ASIC2: variants seen among roughly 807,000 people sequenced by gnomAD.
ASIC2 encodes the protein acid sensing ion channel subunit 2.
Under a neutral mutation model 57.3 loss-of-function variants are expected in ASIC2, and 25 were observed. The observed-to-expected ratio is 0.44, with a 90% CI of 0.32 to 0.61. The LOEUF is 0.61. ASIC2 is among the 20% of genes least tolerant of loss of function. The pLI is 0.06. For synonymous variants in ASIC2, 319 were observed against 307.5 expected (o/e 1.04, Z -0.39); for missense variants, 641 against 738.1 (o/e 0.87, Z 1.52).
rs183058775 is a variant in ASIC2, at chr17:33,167,066, G to T, written c.709-54999C>A. On this transcript the variant is annotated intron_variant, in intron 1 of 9. Coordinates refer to ENST00000225823, the MANE Select transcript of ASIC2 (RefSeq NM_183377.2). ...GTGTACATAAAGTGCCCCCTACAGA[G>T]CTTGGCACACAGTAGGTACACACTG... Among the ~76,000 whole-genome samples, 353 of 152,282 alleles carry T rather than the reference G, an allele frequency of 2.3e-3. 5 individuals are homozygous for T. The highest frequency in any genetic ancestry group is 0.01 in the Middle Eastern group (3 of 294).
At chr17:33,477,366 G>A (rs2141924224) in intron 1 of ASIC2, among the ~76,000 whole-genome samples, 1 of 152,272 alleles carries the variant, frequency 6.6e-6, no homozygotes, top group African/African-American at 2.4e-5. Context: ...ACATGGTGTG[G>A]TAGAAATAGC....
At chr17:33,082,447 C>T (rs574494005) in intron 3 of ASIC2, among the ~76,000 whole-genome samples, 2 of 152,298 alleles carry the variant, frequency 1.3e-5, no homozygotes, top group South Asian at 2.1e-4. Context: ...ACCTATAATC[C>T]TAGCACTTTG....
rs147237031 is a variant in ASIC2 at position 33,131,293 on chromosome 17, A to C, written c.709-19226T>G. 1.8e-3 allele frequency among the ~76,000 whole-genome samples: 279 copies of C among 152,234 alleles called. 2 individuals are homozygous for C. The highest frequency in any genetic ancestry group is 6.3e-3 in the African/African-American group (260 of 41,530). ...TCTACATAGACCCTTCTATTGATAAAATTTTAGGTTTCTAGAGGAATCCCA... is the reference window on the plus strand; with the variant it reads ...TCTACATAGACCCTTCTATTGATAACATTTTAGGTTTCTAGAGGAATCCCA... On this transcript the variant is annotated intron_variant, in intron 1 of 9. Coordinates refer to ENST00000225823, the MANE Select transcript of ASIC2 (RefSeq NM_183377.2).
intron 1 of ASIC2, among the ~76,000 whole-genome samples, chr17:33,712,270 G>GC (rs1261379075): frequency 2.0e-5 from 3 of 152,178 alleles, no homozygotes; most frequent in Non-Finnish European, 2.9e-5. Context: ...CTTGATGTTT[G>GC]CAAGACGCTG....
chr17:33,162,632 T>A (rs1420073625), intron 1 of ASIC2, among the ~76,000 whole-genome samples: 1 of 152,204 alleles, frequency 6.6e-6, no homozygotes, highest in African/African-American at 2.4e-5. Flanking sequence ...CAGGGCCAGC[T>A]CAGACCTGAT....
At chr17:33,854,067 G>C (rs969890596) in intron 1 of ASIC2, among the ~76,000 whole-genome samples, 8 of 152,170 alleles carry the variant, frequency 5.3e-5, no homozygotes, top group Admixed American at 6.5e-5. Flanking sequence ...CTCAACAAAA[G>C]TCTATTCTGG....
intron 1 of ASIC2, among the ~76,000 whole-genome samples, chr17:33,462,887 G>A (rs1912687899): frequency 1.3e-5 from 2 of 152,190 alleles, no homozygotes; most frequent in Admixed American, 1.3e-4. Flanking sequence ...TGGAGACAGA[G>A]TCATTTATAG....
intron 1 of ASIC2, among the ~76,000 whole-genome samples, chr17:33,252,943 A>C (rs953670054): frequency 6.6e-6 from 1 of 152,162 alleles, no homozygotes; most frequent in South Asian, 2.1e-4. Context: ...TTGTGGGTAG[A>C]ACCCAGATCC....
chr17:33,917,080 CTTGGGCTGT>C (rs1261530334), intron 1 of ASIC2, among the ~76,000 whole-genome samples: 2 of 152,180 alleles, frequency 1.3e-5, no homozygotes, highest in African/African-American at 4.8e-5. Context: ...TTCCCCTTGA[CTTGGGCTGT>C]TTGCATCGCT....
At chr17:33,481,119 A>G (rs974512752) in intron 1 of ASIC2, among the ~76,000 whole-genome samples, 1 of 152,122 alleles carries the variant, frequency 6.6e-6, no homozygotes, top group Non-Finnish European at 1.5e-5. Context: ...TGCACAATTC[A>G]TTGAACACCT....
intron 1 of ASIC2, chr17:34,037,767 G>A (rs771142823): frequency 2.0e-5 from 33 of 1,614,014 alleles, no homozygotes; most frequent in Middle Eastern, 1.6e-4. Flanking sequence ...TCCTCCTTTC[G>A]GTAGGCCAAG....
chr17:33,877,514 C>T (rs1914579492), intron 1 of ASIC2, among the ~76,000 whole-genome samples: 1 of 152,202 alleles, frequency 6.6e-6, no homozygotes, highest in South Asian at 2.1e-4. Context: ...TGCAGCCTCG[C>T]TCATTGCTAG....
At chr17:33,463,256 G>C (rs1189309790) in intron 1 of ASIC2, among the ~76,000 whole-genome samples, 1 of 152,140 alleles carries the variant, frequency 6.6e-6, no homozygotes, top group African/African-American at 2.4e-5. Flanking sequence ...CCCAGTATCT[G>C]TCTTTCTGCA....
At chr17:33,799,216 C>A (rs931613474) in intron 1 of ASIC2, among the ~76,000 whole-genome samples, 2 of 150,656 alleles carry the variant, frequency 1.3e-5, no homozygotes, top group African/African-American at 4.9e-5. Context: ...CAGTTCCTTC[C>A]TTCCTTCCTT....
intron 1 of ASIC2, among the ~76,000 whole-genome samples, chr17:33,725,398 G>T (rs1414280473): frequency 1.3e-5 from 2 of 152,150 alleles, no homozygotes; most frequent in African/African-American, 2.4e-5. Context: ...AGTCCGAGTT[G>T]TCCACTCACG....
At chr17:33,602,501 C>G (rs966662932) in intron 1 of ASIC2, among the ~76,000 whole-genome samples, 2 of 152,208 alleles carry the variant, frequency 1.3e-5, no homozygotes, top group Admixed American at 6.5e-5. Flanking sequence ...TGCAGCCCCT[C>G]AATCTTGGAC....
At chr17:33,102,375 A>G (rs182458749) in intron 2 of ASIC2, among the ~76,000 whole-genome samples, 2 of 152,112 alleles carry the variant, frequency 1.3e-5, no homozygotes, top group East Asian at 3.9e-4. Flanking sequence ...GTATGTGACT[A>G]TTTTTCTCTC....
intron 1 of ASIC2, among the ~76,000 whole-genome samples, chr17:34,011,141 A>G (rs532873958): frequency 4.2e-4 from 57 of 134,532 alleles, no homozygotes; most frequent in African/African-American, 1.5e-3. Flanking sequence ...GCACACACAC[A>G]CACACATAGA....
intron 1 of ASIC2, among the ~76,000 whole-genome samples, chr17:33,493,589 C>T (rs569122578): frequency 1.8e-4 from 27 of 152,312 alleles, no homozygotes; most frequent in African/African-American, 6.3e-4. Context: ...CTTTCCTCTT[C>T]CATTTTCTCC....
Sources: allele counts gnomAD v4.1 joint callset (sites outside exome capture counted in the v4.1 genomes callset), GRCh38; gene constraint gnomAD v4.1.1; transcripts MANE v1.5; gene names NCBI Gene and HGNC (gene_info 2026-07-23, HGNC 2026-07-21).